EPSTI1: variants seen among roughly 807,000 people sequenced by gnomAD.
EPSTI1 encodes the protein epithelial-stromal interaction protein 1.
EPSTI1 carries 66 observed loss-of-function variants against 49.9 expected under a neutral mutation model. That is an observed-to-expected ratio of 1.32 (90% CI 1.08 to 1.62). The LOEUF is 1.62. EPSTI1 is among the 40% of genes most tolerant of loss of function. The probability of loss-of-function intolerance (pLI) is 0.00; values close to 1 mark genes in which losing one functional copy is unlikely to be tolerated. For missense variants in EPSTI1, 394 were observed against 365.5 expected (o/e 1.08, Z -0.64); for synonymous variants, 137 against 130.7 (o/e 1.05, Z -0.33).
chr13:42,893,785 C>T (rs1160009240), intron 10 of EPSTI1, among the ~76,000 whole-genome samples: 1 of 152,140 alleles, frequency 6.6e-6, no homozygotes, highest in African/African-American at 2.4e-5. Flanking sequence ...AAGCCCTGAC[C>T]AAAATCTAAA....
chr13:42,896,043 G>A (rs2037180483), intron 9 of EPSTI1, among the ~76,000 whole-genome samples: 1 of 152,166 alleles, frequency 6.6e-6, no homozygotes, highest in African/African-American at 2.4e-5. Context: ...GGAACTTTGA[G>A]GCAAATAAAG....
intron 5 of EPSTI1, among the ~76,000 whole-genome samples, chr13:42,959,576 A>G (rs1346549870): frequency 6.6e-6 from 1 of 152,224 alleles, no homozygotes; most frequent in Non-Finnish European, 1.5e-5. Context: ...TAATATGCAT[A>G]ACTTATTTTC....
intron 8 of EPSTI1, among the ~76,000 whole-genome samples, chr13:42,909,621 T>C (rs2037606144): frequency 6.6e-6 from 1 of 152,054 alleles, no homozygotes; most frequent in Admixed American, 6.6e-5. Flanking sequence ...AATCTTGTCA[T>C]TTGCAACAAC....
At position 42,907,082 on chromosome 13, in the gene EPSTI1, A is replaced by G. The variant is rs571878074; in HGVS notation, c.742-6699T>C. ...CCACTGTATAACAGAACATCAAAAC[A>G]TATTCCTCTTATCTAATTGTAACTT... On this transcript the variant is annotated intron_variant, in intron 8 of 10. Transcript: ENST00000313624. Among the ~76,000 whole-genome samples the G allele has an allele frequency of 1.8e-3, 268 of 152,282 alleles. 1 individual carries two copies. The highest frequency in any genetic ancestry group is 4.6e-3 in the African/African-American group (193 of 41,562).
At chr13:42,951,540 T>G (rs2039096361) in intron 6 of EPSTI1, among the ~76,000 whole-genome samples, 1 of 152,220 alleles carries the variant, frequency 6.6e-6, no homozygotes, top group African/African-American at 2.4e-5. Context: ...GCTCCACTGA[T>G]AGCAGGCCAG....
chr13:42,945,773 G>A (rs1458591200), intron 6 of EPSTI1, among the ~76,000 whole-genome samples: 1 of 152,142 alleles, frequency 6.6e-6, no homozygotes, highest in African/African-American at 2.4e-5. Context: ...AAATGAGGTA[G>A]CATACACCAG....
intron 1 of EPSTI1, among the ~76,000 whole-genome samples, chr13:42,974,549 C>T (rs2153434204): frequency 6.6e-6 from 1 of 151,624 alleles, no homozygotes; most frequent in African/African-American, 2.4e-5. Context: ...GTTCCAGCTA[C>T]TTGGGAGGCT....
intron 6 of EPSTI1, among the ~76,000 whole-genome samples, chr13:42,937,131 T>C (rs543111562): frequency 6.6e-6 from 1 of 152,300 alleles, no homozygotes; most frequent in South Asian, 2.1e-4. Context: ...CATATAAAAG[T>C]TGGGTTTACA....
chr13:42,908,484 GA>G lies in EPSTI1; in HGVS notation c.742-8102del, dbSNP rs140923122. On this transcript the variant is annotated intron_variant, in intron 8 of 10. Transcript: ENST00000313624. The stretch of plus-strand genomic sequence containing the variant: ...CTGGGTGACAGAGAGACTCTGTTAT[GA>G]AAAAAAAAAAAAAAAAAAGGAAAAG... Among the ~76,000 whole-genome samples the G allele has an allele frequency of 1.7e-3, 191 of 113,358 alleles. 2 individuals carry two copies. The highest frequency in any genetic ancestry group is 7.7e-3 in the South Asian group (26 of 3,366). 74.4% of individuals were successfully genotyped at this position (113,358 alleles called of 152,430 possible).
At chr13:42,962,215 C>G (rs7325894) in intron 5 of EPSTI1, among the ~76,000 whole-genome samples, 23,666 of 152,098 alleles carry the variant, frequency 0.16, 2,109 homozygotes, top group Middle Eastern at 0.24. Flanking sequence ...GCTCCTCGAG[C>G]TTTTATGTGC....
intron 1 of EPSTI1, among the ~76,000 whole-genome samples, chr13:42,980,965 T>G (rs2039976871): frequency 6.6e-6 from 1 of 152,234 alleles, no homozygotes; most frequent in Non-Finnish European, 1.5e-5. Flanking sequence ...TCAGCTTTTC[T>G]TACAAGATTA....
At chr13:42,990,164 G>C (rs1399210210) in intron 1 of EPSTI1, among the ~76,000 whole-genome samples, 1 of 139,558 alleles carries the variant, frequency 7.2e-6, no homozygotes, top group Non-Finnish European at 1.5e-5. Context: ...ACTGCAACTG[G>C]TTCACATGAG....
rs755353467 is a variant in EPSTI1 at position 42,922,536 on chromosome 13, C to A, written c.657+3800G>T. Among the ~76,000 whole-genome samples the A allele has an allele frequency of 6.6e-6, 1 of 152,196 alleles. No homozygotes were observed. Among genetic ancestry groups the A allele is most frequent in the South Asian group, 2.1e-4 (1 of 4,814 alleles). ...TCAAAAGGAACCATTCCTGTTGATA[C>A]CCTCATTTTAGCATTTTAAAACCCA... On this transcript the variant is annotated intron_variant, in intron 7 of 10. Coordinates refer to ENST00000313624, the MANE Select transcript of EPSTI1 (RefSeq NM_033255.5). This position sits in a 1 kb window ranked among gnomAD's most constrained non-coding sequence, Gnocchi z 4.8.
intron 6 of EPSTI1, among the ~76,000 whole-genome samples, chr13:42,931,396 G>A (rs61952583): frequency 0.17 from 25,179 of 151,074 alleles, 2,193 homozygotes; most frequent in South Asian, 0.23. Flanking sequence ...TAGTAGAGAC[G>A]GGGTTTCACC....
intron 6 of EPSTI1, among the ~76,000 whole-genome samples, chr13:42,938,643 G>A (rs1281431582): frequency 2.0e-5 from 3 of 152,100 alleles, no homozygotes; most frequent in African/African-American, 7.2e-5. Context: ...GCTGGGTGCA[G>A]CGGCTCACCC....
At chr13:42,913,542 C>T (rs2037746563) in intron 8 of EPSTI1, among the ~76,000 whole-genome samples, 1 of 152,118 alleles carries the variant, frequency 6.6e-6, no homozygotes, top group Admixed American at 6.5e-5. Flanking sequence ...ATCACATGTC[C>T]ACAGAGAAAC....
At chr13:42,955,215 C>T (rs1479218723) in intron 5 of EPSTI1, among the ~76,000 whole-genome samples, 1 of 152,076 alleles carries the variant, frequency 6.6e-6, no homozygotes, top group Non-Finnish European at 1.5e-5. Context: ...GGAAAAAATC[C>T]TGACTGATGA....
At chr13:42,957,250 T>C (rs922810658) in intron 5 of EPSTI1, among the ~76,000 whole-genome samples, 1 of 152,238 alleles carries the variant, frequency 6.6e-6, no homozygotes, top group African/African-American at 2.4e-5. Flanking sequence ...TTTGAATTTA[T>C]TGGATTTGAG....
At chr13:42,960,720 GT>G (rs1048424881) in intron 5 of EPSTI1, among the ~76,000 whole-genome samples, 13 of 152,218 alleles carry the variant, frequency 8.5e-5, no homozygotes, top group African/African-American at 3.1e-4. Flanking sequence ...GAAATAATCA[GT>G]TTCCTGGTCT....
Sources: allele counts gnomAD v4.1 joint callset (sites outside exome capture counted in the v4.1 genomes callset), GRCh38; gene constraint gnomAD v4.1.1; non-coding constraint Gnocchi (gnomAD v3.1); transcripts MANE v1.5; gene names NCBI Gene and HGNC (gene_info 2026-07-23, HGNC 2026-07-21).